Variants in CNBD1 observed in about 807,000 individuals in gnomAD.
The protein encoded by CNBD1 is cyclic nucleotide-binding domain-containing protein 1.
A neutral mutation model predicts 54.4 loss-of-function variants in CNBD1; 71 were observed. The observed-to-expected ratio is 1.30, with a 90% CI of 1.08 to 1.59. The LOEUF (loss-of-function observed/expected upper bound fraction) is 1.59, where lower values mean the gene tolerates loss of function less well. Among genes scored for constraint, CNBD1 ranks in the 40% most tolerant of loss-of-function variants. The pLI, the probability that CNBD1 is intolerant of heterozygous loss-of-function variation, is 0.00. For synonymous variants in CNBD1, 182 were observed against 170.7 expected, an observed-to-expected ratio of 1.07 and a Z score of -0.51; for missense variants, 659 against 518.0, an observed-to-expected ratio of 1.27 and a Z score of -2.64.
At chr8:87,385,294 C>G (rs1811160170), downstream of CNBD1, among the ~76,000 whole-genome samples, 1 of 152,194 alleles carries the variant, frequency 6.6e-6, no homozygotes, top group Middle Eastern at 3.4e-3. Context: ...GTGCAGCGCA[C>G]CGAGTGTGAG....
chr8:86,887,444 C>A, intron 1 of CNBD1, 98 bp from the exon 2 acceptor site: 1 of 740,520 alleles, frequency 1.4e-6, no homozygotes, highest in East Asian at 2.7e-5. Flanking sequence ...TCACTGAATT[C>A]TTTCACTATG....
intron 3 of CNBD1, among the ~76,000 whole-genome samples, chr8:86,938,630 T>C (rs1809593985): frequency 6.6e-6 from 1 of 152,210 alleles, no homozygotes; most frequent in Admixed American, 6.5e-5. Flanking sequence ...ACTTACTCAC[T>C]ATCATGAGAA....
At chr8:87,260,116 G>A (rs1164891587) in intron 6 of CNBD1, among the ~76,000 whole-genome samples, 1 of 152,170 alleles carries the variant, frequency 6.6e-6, no homozygotes, top group African/African-American at 2.4e-5. Context: ...GCACAGGCTG[G>A]TCTAAATTGC....
At chr8:86,890,354 G>A (rs146351618) in intron 2 of CNBD1, among the ~76,000 whole-genome samples, 18 of 152,002 alleles carry the variant, frequency 1.2e-4, no homozygotes, top group South Asian at 1.0e-3. Context: ...TATGTCTTTC[G>A]GTGCCTGCTC....
At chr8:87,314,091 G>T (rs1809331401) in intron 8 of CNBD1, among the ~76,000 whole-genome samples, 1 of 151,880 alleles carries the variant, frequency 6.6e-6, no homozygotes, top group African/African-American at 2.4e-5. Context: ...TTTTCAAGAA[G>T]TAGATGATGC....
intron 10 of CNBD1, among the ~76,000 whole-genome samples, chr8:87,354,210 C>T (rs966625301): frequency 1.3e-5 from 2 of 151,882 alleles, no homozygotes; most frequent in African/African-American, 2.4e-5. Context: ...TGTGTGAGTC[C>T]TTAGGATAAT....
At chr8:86,867,105 T>C (rs1053633384) in intron 1 of CNBD1, among the ~76,000 whole-genome samples, 3 of 152,212 alleles carry the variant, frequency 2.0e-5, no homozygotes, top group Admixed American at 2.0e-4. Context: ...AAGAATTAAG[T>C]ATAGAACTAG....
rs576194222 is a variant in CNBD1 at position 87,199,460 on chromosome 8, A to G, written c.432-6533A>G. Among the ~76,000 whole-genome samples the G allele has an allele frequency of 3.3e-5, 5 of 152,314 alleles. No individual in the cohort carries two copies. The East Asian group carries it at 9.7e-4, about 29-fold the overall frequency. On this transcript the variant is annotated intron_variant, in intron 4 of 10. Coordinates refer to ENST00000518476, the MANE Select transcript of CNBD1 (RefSeq NM_173538.3). ...AGTATACACTCTTGCAGCCATTACC[A>G]AAATCTATGCTATGTACATATCCAT... is the stretch of plus-strand genomic sequence containing the variant.
chr8:87,012,890 A>G (rs940668328), intron 4 of CNBD1, among the ~76,000 whole-genome samples: 1 of 152,246 alleles, frequency 6.6e-6, no homozygotes, highest in African/African-American at 2.4e-5. Flanking sequence ...CCTAAAATAC[A>G]TAAAACCAAG....
chr8:87,228,216 C>T lies in CNBD1; in HGVS notation c.578-8703C>T, dbSNP rs939916565. On this transcript the variant is annotated intron_variant, in intron 5 of 10. Transcript: ENST00000518476. ...CTCCCATAGCTCAGAGTAATTTGAT[C>T]GTCTGAAGCCTTCTTCTCTCAGCTC... 8.0e-5 allele frequency among the ~76,000 whole-genome samples: 12 copies of T among 150,324 alleles called. 1 individual carries two copies. The highest frequency in any genetic ancestry group is 5.9e-4 in the Admixed American group (9 of 15,174).
chr8:87,365,070 T>C (rs548419835), intron 10 of CNBD1, among the ~76,000 whole-genome samples: 1 of 152,218 alleles, frequency 6.6e-6, no homozygotes, highest in South Asian at 2.1e-4. Context: ...GTTGCCACAC[T>C]GCTTTCTATA....
chr8:87,382,470 G>A (rs1811098025), intron 10 of CNBD1, 150 bp from the exon 11 acceptor site: 2 of 546,148 alleles, frequency 3.7e-6, no homozygotes, highest in East Asian at 2.9e-5. Context: ...ATTATTTCTA[G>A]AATAAGCTCT....
chr8:87,233,522 G>T (rs1210165456), intron 5 of CNBD1, among the ~76,000 whole-genome samples: 1 of 152,142 alleles, frequency 6.6e-6, no homozygotes, highest in Admixed American at 6.5e-5. Context: ...ATGACTACGT[G>T]AACCTTCAGT....
chr8:87,127,807 G>C (rs1432301382), intron 4 of CNBD1, among the ~76,000 whole-genome samples: 1 of 152,002 alleles, frequency 6.6e-6, no homozygotes, highest in African/African-American at 2.4e-5. Context: ...GATAAATACT[G>C]GGTAGAAGAG....
chr8:86,988,708 C>A lies in CNBD1; in HGVS notation c.431+48954C>A, dbSNP rs7814159. ...CCCAGCCTATGATATTCATTATTCTCTTCTCTACCTCCATTGATGCAATTG... is the reference window on the plus strand; with the variant it reads ...CCCAGCCTATGATATTCATTATTCTATTCTCTACCTCCATTGATGCAATTG... On this transcript the variant is annotated intron_variant, in intron 4 of 10. Transcript: ENST00000518476. 7.2e-4 allele frequency among the ~76,000 whole-genome samples: 109 copies of A among 152,172 alleles called. 1 individual carries two copies. The East Asian group carries it at 0.013, about 18-fold the overall frequency.
At chr8:87,061,745 T>C (rs1810552189) in intron 4 of CNBD1, among the ~76,000 whole-genome samples, 1 of 152,220 alleles carries the variant, frequency 6.6e-6, no homozygotes, top group Non-Finnish European at 1.5e-5. Flanking sequence ...AGAAAATATG[T>C]TATCAATATA....
intron 2 of CNBD1, among the ~76,000 whole-genome samples, chr8:87,390,576 A>G (rs985738184): frequency 6.6e-6 from 1 of 152,110 alleles, no homozygotes; most frequent in Admixed American, 6.6e-5. Context: ...GCGATCATTA[A>G]AAAGTCAGGA....
intron 2 of CNBD1, among the ~76,000 whole-genome samples, chr8:87,412,138 A>G (rs922443299): frequency 1.3e-5 from 2 of 151,924 alleles, no homozygotes; most frequent in Non-Finnish European, 2.9e-5. Flanking sequence ...TTCATTTTTC[A>G]CTTCAAATTA....
downstream of CNBD1, among the ~76,000 whole-genome samples, chr8:87,383,295 T>A (rs933992867): frequency 6.6e-6 from 1 of 152,144 alleles, no homozygotes; most frequent in Non-Finnish European, 1.5e-5. Flanking sequence ...TTTCAGTTTA[T>A]CTTTTCATCA....
Sources: allele counts gnomAD v4.1 joint callset (sites outside exome capture counted in the v4.1 genomes callset), GRCh38; gene constraint gnomAD v4.1.1; transcripts MANE v1.5; gene names NCBI Gene and HGNC (gene_info 2026-07-23, HGNC 2026-07-21).